Variants in MECOM observed in about 807,000 individuals in gnomAD.
MECOM encodes the protein histone-lysine N-methyltransferase MECOM.
In MECOM, 13 loss-of-function variants were observed where a neutral mutation model predicts 116.3. The observed-to-expected ratio is 0.11, with a 90% CI of 0.07 to 0.18. The LOEUF (loss-of-function observed/expected upper bound fraction) is 0.18. MECOM is among the 10% of genes least tolerant of loss of function. The probability of loss-of-function intolerance (pLI) is 1.00; values close to 1 mark genes in which losing one functional copy is unlikely to be tolerated. For missense variants in MECOM, 1,299 were observed against 1,509.0 expected, an observed-to-expected ratio of 0.86 and a Z score of 2.31; for synonymous variants, 528 against 535.2, an observed-to-expected ratio of 0.99 and a Z score of 0.19.
intron 2 of MECOM, among the ~76,000 whole-genome samples, chr3:169,303,087 A>G (rs570957819): frequency 1.3e-5 from 2 of 152,318 alleles, no homozygotes; most frequent in Non-Finnish European, 2.9e-5. Flanking sequence ...AAAAGGTCAC[A>G]TGAAAAACAC....
intron 2 of MECOM, among the ~76,000 whole-genome samples, chr3:169,357,836 G>A (rs1259802045): frequency 2.6e-5 from 4 of 151,666 alleles, no homozygotes; most frequent in African/African-American, 9.7e-5. Context: ...GGGAAGAAAG[G>A]AAGCAAAAAG....
chr3:169,356,555 C>T (rs1044914893), intron 2 of MECOM, among the ~76,000 whole-genome samples: 7 of 151,878 alleles, frequency 4.6e-5, no homozygotes, highest in East Asian at 1.9e-4. Flanking sequence ...GGCCCTGCCA[C>T]GGACGGCTCC....
chr3:169,097,817 T>TAAAAAAAAAAAAAAAAAAAAAA lies in MECOM; in HGVS notation c.2850-2594_2850-2573dup, dbSNP rs539873617. Among the ~76,000 whole-genome samples the TAAAAAAAAAAAAAAAAAAAAAA allele has an allele frequency of 4.8e-4, 42 of 87,198 alleles. 3 individuals are homozygous for TAAAAAAAAAAAAAAAAAAAAAA. The highest frequency in any genetic ancestry group is 8.3e-4 in the African/African-American group (21 of 25,388). 57.2% of individuals were successfully genotyped at this position (87,198 alleles called of 152,430 possible). A position where few individuals can be genotyped will look rare whatever the true frequency, so the allele number is the denominator to read the frequency against. ...AACAGAGTGAGACCTACTGTCTATA[T>TAAAAAAAAAAAAAAAAAAAAAA]AAAAAAAAAAAAAAAAAAAAAAAGG... On this transcript the variant is annotated intron_variant, in intron 12 of 16. Coordinates refer to ENST00000651503, the MANE Select transcript of MECOM (RefSeq NM_004991.4).
intron 1 of MECOM, chr3:169,483,833 C>T (rs1180442558): frequency 1.2e-6 from 2 of 1,611,742 alleles, no homozygotes; most frequent in Non-Finnish European, 1.7e-6. Flanking sequence ...AGAAAGGCAC[C>T]TCGGATGTCA....
intron 2 of MECOM, among the ~76,000 whole-genome samples, chr3:169,270,156 G>A (rs1045150081): frequency 6.6e-6 from 1 of 152,154 alleles, no homozygotes; most frequent in Non-Finnish European, 1.5e-5. Context: ...AAGGGACAGT[G>A]TTCTGGCCTA....
chr3:169,144,327 A>G (rs1739053850), intron 2 of MECOM, among the ~76,000 whole-genome samples: 1 of 152,134 alleles, frequency 6.6e-6, no homozygotes, highest in Non-Finnish European at 1.5e-5. Flanking sequence ...TAATTGAAGG[A>G]GATAATAAGA....
chr3:169,586,896 G>A (rs1417579079), intron 1 of MECOM, among the ~76,000 whole-genome samples: 1 of 152,182 alleles, frequency 6.6e-6, no homozygotes, highest in Non-Finnish European at 1.5e-5. Context: ...AGCAGTTAGT[G>A]CTGGCATATC....
chr3:169,614,596 C>A (rs1358772469), intron 1 of MECOM, among the ~76,000 whole-genome samples: 1 of 152,148 alleles, frequency 6.6e-6, no homozygotes, highest in Middle Eastern at 3.4e-3. Flanking sequence ...GGTTCAAGAA[C>A]CTATCACTAC....
chr3:169,086,675 A>G (rs1343006336), intron 16 of MECOM: 5 of 658,248 alleles, frequency 7.6e-6, no homozygotes, highest in African/African-American at 1.8e-5. Context: ...CTGAGGTAAT[A>G]CATAAATAGT....
At chr3:169,663,207 C>T in intron 1 of MECOM, 129 bp downstream of exon 1, 5 of 1,069,612 alleles carry the variant, frequency 4.7e-6, no homozygotes, top group East Asian at 2.6e-5. Context: ...TGGGGCTGCG[C>T]TCCGCCTGCC....
intron 6 of MECOM, 114 bp from the exon 7 acceptor site, chr3:169,121,323 C>T (rs1276874021): frequency 3.5e-6 from 4 of 1,146,498 alleles, no homozygotes; most frequent in Non-Finnish European, 4.8e-6. Context: ...TTCTTTTCCC[C>T]AAAGACCAAA....
chr3:169,534,846 C>A (rs574669697), intron 1 of MECOM, among the ~76,000 whole-genome samples: 1 of 152,306 alleles, frequency 6.6e-6, no homozygotes, highest in Admixed American at 6.5e-5. Flanking sequence ...GGGATGTGAA[C>A]CCCAATGGTC....
intron 5 of MECOM, among the ~76,000 whole-genome samples, chr3:169,123,978 A>G (rs565443946): frequency 6.6e-6 from 1 of 152,260 alleles, no homozygotes; most frequent in African/African-American, 2.4e-5. Flanking sequence ...TGCTTTTCCT[A>G]TGTAAACTGC....
chr3:169,359,001 G>A (rs914807432), intron 2 of MECOM, among the ~76,000 whole-genome samples: 6 of 151,552 alleles, frequency 4.0e-5, no homozygotes, highest in African/African-American at 7.2e-5. Flanking sequence ...ACTAATCCTC[G>A]AGCCTCATAC....
At chr3:169,093,979 T>C (rs1720690430) in intron 13 of MECOM, among the ~76,000 whole-genome samples, 1 of 152,208 alleles carries the variant, frequency 6.6e-6, no homozygotes, top group African/African-American at 2.4e-5. Flanking sequence ...TAACCTTTTT[T>C]CTTAAAATAA....
intron 2 of MECOM, among the ~76,000 whole-genome samples, chr3:169,164,299 T>C (rs980193479): frequency 6.6e-6 from 1 of 152,140 alleles, no homozygotes; most frequent in Non-Finnish European, 1.5e-5. Flanking sequence ...GCTCTCTCTC[T>C]GCCTGCTGCC....
At position 169,316,845 on chromosome 3, in the gene MECOM, G is replaced by A. The variant is rs185254549; in HGVS notation, c.375+64342C>T. The stretch of plus-strand genomic sequence containing the variant: ...AGGGATTATAGGCATGAGCCACTGC[G>A]CCCGGCCAAAAGACATATACTTTTA... On this transcript the variant is annotated intron_variant, in intron 2 of 16. Transcript: ENST00000651503. Among the ~76,000 whole-genome samples the A allele has an allele frequency of 8.2e-4, 125 of 152,290 alleles. 3 individuals are homozygous for A. In the East Asian group the frequency reaches 0.021, roughly 26 times the overall value.
In MECOM at chr3:169,107,642, G is replaced by A. The variant is rs139754304; in HGVS notation, c.2604+284C>T. Among the ~76,000 whole-genome samples, 180 of 152,244 alleles carry A rather than the reference G, an allele frequency of 1.2e-3. 1 individual carries two copies. Among genetic ancestry groups the A allele is most frequent in the Middle Eastern group, 3.4e-3 (1 of 294 alleles). ...CCATTTCGAAGCCTCGTTTAACAGC[G>A]TGTTCCCAGGTGTCCAGAAAGAGCT... On this transcript the variant is annotated intron_variant, in intron 10 of 16. Transcript: ENST00000651503.
chr3:169,620,130 C>A lies in MECOM; in HGVS notation c.37+43206G>T, dbSNP rs539425198. Among the ~76,000 whole-genome samples, 12 of 152,312 alleles carry A rather than the reference C, an allele frequency of 7.9e-5. No individual in the cohort carries two copies. In the South Asian group the frequency reaches 2.5e-3, roughly 32 times the overall value. ...CTTATTCTTAGAAGGGGACAGAATT[C>A]TCATTTTAACACAAGGCTCAGAGGG... On this transcript the variant is annotated intron_variant, in intron 1 of 16. Transcript: ENST00000651503.
Sources: allele counts gnomAD v4.1 joint callset (sites outside exome capture counted in the v4.1 genomes callset), GRCh38; gene constraint gnomAD v4.1.1; transcripts MANE v1.5; gene names NCBI Gene and HGNC (gene_info 2026-07-23, HGNC 2026-07-21).